The following KCNIP4 variants were observed in gnomAD, a reference collection of about 807,000 sequenced individuals.
KCNIP4 encodes the protein Kv channel-interacting protein 4.
In KCNIP4, 12 loss-of-function variants were observed where a neutral mutation model predicts 34.0. That is an observed-to-expected ratio of 0.35 (90% CI 0.23 to 0.57). KCNIP4 has a LOEUF of 0.57. Among genes scored for constraint, KCNIP4 ranks in the 20% least tolerant of loss-of-function variants. KCNIP4 has a pLI of 0.83. For synonymous variants in KCNIP4, 124 were observed against 102.2 expected (o/e 1.21, Z -1.29); for missense variants, 238 against 311.7 (o/e 0.76, Z 1.78).
chr4:21,757,167 G>GA (rs1308919854), intron 1 of KCNIP4, among the ~76,000 whole-genome samples: 562 of 48,486 alleles, frequency 0.012, 5 homozygotes, highest in East Asian at 0.036. Flanking sequence ...AAGAAAGAAA[G>GA]AAGGAAGGAA....
chr4:20,998,601 G>T (rs529486480), intron 1 of KCNIP4, among the ~76,000 whole-genome samples: 1 of 152,184 alleles, frequency 6.6e-6, no homozygotes, highest in Non-Finnish European at 1.5e-5. Flanking sequence ...GTCTACTGAA[G>T]TTGTCTTCAA....
At chr4:21,947,374 G>T (rs1009160726) in intron 1 of KCNIP4, among the ~76,000 whole-genome samples, 2 of 152,172 alleles carry the variant, frequency 1.3e-5, no homozygotes, top group African/African-American at 4.8e-5. Flanking sequence ...TCAAATGTGG[G>T]GCTTTACAGG....
At chr4:21,509,886 G>A (rs545549000) in intron 1 of KCNIP4, among the ~76,000 whole-genome samples, 9 of 152,224 alleles carry the variant, frequency 5.9e-5, no homozygotes, top group African/African-American at 2.2e-4. Flanking sequence ...GGGAGGCTGA[G>A]GCGGGTGGAT....
intron 2 of KCNIP4, among the ~76,000 whole-genome samples, chr4:20,879,366 T>C (rs560408573): frequency 4.6e-5 from 7 of 152,296 alleles, no homozygotes; most frequent in African/African-American, 1.7e-4. Context: ...ATGGCATAGA[T>C]CTGTCACCTC....
chr4:21,715,854 T>C (rs567032863), intron 1 of KCNIP4, among the ~76,000 whole-genome samples: 2 of 152,352 alleles, frequency 1.3e-5, no homozygotes, highest in South Asian at 4.1e-4. Context: ...AATCTTTTCT[T>C]TGTGCTTCTG....
At chr4:21,095,750 T>C (rs977968996) in intron 1 of KCNIP4, among the ~76,000 whole-genome samples, 1 of 152,194 alleles carries the variant, frequency 6.6e-6, no homozygotes, top group Non-Finnish European at 1.5e-5. Flanking sequence ...CATTTTAATA[T>C]ATAAGTCTTT....
chr4:21,766,975 A>C (rs765715961), intron 1 of KCNIP4, among the ~76,000 whole-genome samples: 1 of 152,190 alleles, frequency 6.6e-6, no homozygotes, highest in Non-Finnish European at 1.5e-5. Flanking sequence ...CAGAAAATGC[A>C]CAAGGAAACA....
intron 1 of KCNIP4, among the ~76,000 whole-genome samples, chr4:20,999,541 T>C (rs1199984339): frequency 6.6e-6 from 1 of 150,628 alleles, no homozygotes; most frequent in African/African-American, 2.4e-5. Flanking sequence ...ATCACCGTGG[T>C]TGCTGTGTGG....
intron 1 of KCNIP4, among the ~76,000 whole-genome samples, chr4:21,908,086 A>T (rs1222016011): frequency 2.0e-5 from 3 of 152,178 alleles, no homozygotes; most frequent in Non-Finnish European, 4.4e-5. Context: ...AATAAAAAAT[A>T]ATAAAAATAA....
chr4:20,902,998 T>C (rs759733682), intron 1 of KCNIP4, among the ~76,000 whole-genome samples: 20 of 152,230 alleles, frequency 1.3e-4, no homozygotes, highest in Non-Finnish European at 1.9e-4. Flanking sequence ...CCATTGTTTC[T>C]CATATGGGAA....
intron 1 of KCNIP4, among the ~76,000 whole-genome samples, chr4:21,359,199 T>A (rs141374606): frequency 1.3e-5 from 2 of 152,160 alleles, no homozygotes; most frequent in African/African-American, 4.8e-5. Context: ...GGTAAAGAAA[T>A]ACATCTCCTT....
intron 1 of KCNIP4, among the ~76,000 whole-genome samples, chr4:21,538,859 G>A (rs957389590): frequency 2.6e-5 from 4 of 152,146 alleles, no homozygotes; most frequent in African/African-American, 9.7e-5. Context: ...AAAACAAACA[G>A]CTCTCTGATG....
At chr4:21,393,330 T>A (rs924281976) in intron 1 of KCNIP4, among the ~76,000 whole-genome samples, 3 of 152,144 alleles carry the variant, frequency 2.0e-5, no homozygotes, top group Non-Finnish European at 4.4e-5. Context: ...TTCAATGAAT[T>A]TAACTCTAAA....
chr4:21,918,286 A>T lies in KCNIP4; in HGVS notation c.61+30285T>A, dbSNP rs993060695. ...GAATGCTGTACTTCTCATACTTTGGAATCTTGCTGGATGAAAAAAGTATAT... is the reference window on the plus strand; with the variant it reads ...GAATGCTGTACTTCTCATACTTTGGTATCTTGCTGGATGAAAAAAGTATAT... On this transcript the variant is annotated intron_variant, in intron 1 of 8. Transcript: ENST00000382152. Among the ~76,000 whole-genome samples the T allele has an allele frequency of 4.6e-5, 7 of 152,348 alleles. 1 individual carries two copies. The highest frequency in any genetic ancestry group is 1.9e-4 in the East Asian group (1 of 5,188).
chr4:21,505,242 T>C (rs1733737905), intron 1 of KCNIP4, among the ~76,000 whole-genome samples: 1 of 151,336 alleles, frequency 6.6e-6, no homozygotes, highest in East Asian at 2.0e-4. Context: ...CCATTGGATT[T>C]TCTTATCACA....
At chr4:21,025,547 T>TC in intron 1 of KCNIP4, among the ~76,000 whole-genome samples, 1 of 62,028 alleles carries the variant, frequency 1.6e-5, no homozygotes, top group South Asian at 6.1e-4. Flanking sequence ...GATACTGTTT[T>TC]TTTTTTTTTT....
chr4:20,787,061 C>T (rs1267725767), intron 3 of KCNIP4, among the ~76,000 whole-genome samples: 2 of 152,088 alleles, frequency 1.3e-5, no homozygotes, highest in East Asian at 1.9e-4. Context: ...AGAAACTCAA[C>T]GTGGACAGTC....
At chr4:21,071,333 A>T (rs923089004) in intron 1 of KCNIP4, among the ~76,000 whole-genome samples, 1 of 152,166 alleles carries the variant, frequency 6.6e-6, no homozygotes, top group Admixed American at 6.5e-5. Context: ...TTTCTCAAGC[A>T]TGTTTTGAAA....
intron 1 of KCNIP4, among the ~76,000 whole-genome samples, chr4:21,554,829 C>T (rs759626908): frequency 1.3e-5 from 2 of 152,130 alleles, no homozygotes; most frequent in African/African-American, 2.4e-5. Flanking sequence ...TTTATGGTCA[C>T]ATGTAAATCT....
Sources: gnomAD v4.1 joint callset for allele counts (sites outside exome capture counted in the v4.1 genomes callset) on GRCh38, gnomAD v4.1.1 for gene constraint, MANE v1.5 for transcripts, NCBI Gene and HGNC (gene_info 2026-07-23, HGNC 2026-07-21) for gene names.